DRICH1: variants seen among roughly 807,000 people sequenced by gnomAD.
The protein encoded by DRICH1 is aspartate-rich protein 1.
DRICH1 carries 38 observed loss-of-function variants against 39.5 expected under a neutral mutation model. The observed-to-expected ratio is 0.96, with a 90% confidence interval of 0.74 to 1.26. The LOEUF (loss-of-function observed/expected upper bound fraction) is 1.26, where lower values mean the gene tolerates loss of function less well. DRICH1 is among the 50% of genes most tolerant of loss of function. The probability of loss-of-function intolerance (pLI) is 0.00; values close to 1 mark genes in which losing one functional copy is unlikely to be tolerated. For synonymous variants in DRICH1, 84 were observed against 99.5 expected (o/e 0.84, Z 0.93); for missense variants, 279 against 270.4 (o/e 1.03, Z -0.22).
At chr22:23,623,135 TGGCTCA>T (rs1927865046) in intron 3 of DRICH1, among the ~76,000 whole-genome samples, 1 of 152,204 alleles carries the variant, frequency 6.6e-6, no homozygotes, top group Non-Finnish European at 1.5e-5. Context: ...CTGGGCATGG[TGGCTCA>T]TGCCTATAAT....
chr22:23,590,923 A>T, the DRICH1 span, among the ~76,000 whole-genome samples: 1 of 152,274 alleles, frequency 6.6e-6, no homozygotes. Context: ...TGGGCCCAGC[A>T]GGGTACATGT....
chr22:23,593,769 T>G, the DRICH1 span, among the ~76,000 whole-genome samples: 1 of 151,792 alleles, frequency 6.6e-6, no homozygotes, highest in African/African-American at 2.4e-5. Context: ...GCACTCCAGC[T>G]TGGTGACAGA....
intron 8 of DRICH1, among the ~76,000 whole-genome samples, chr22:23,615,427 T>C (rs538356331): frequency 6.6e-6 from 1 of 152,300 alleles, no homozygotes; most frequent in South Asian, 2.1e-4. Flanking sequence ...ACATATAAAA[T>C]ATTGGTATAA....
chr22:23,620,792 C>G (rs142590859), intron 4 of DRICH1, among the ~76,000 whole-genome samples, 177 bp from the exon 5 acceptor site: 2 of 152,038 alleles, frequency 1.3e-5, no homozygotes, highest in Non-Finnish European at 2.9e-5. Flanking sequence ...CAAGAGTTTT[C>G]CCACAGAATT....
chr22:23,608,909 C>A, intron 11 of DRICH1, 141 bp from the exon 12 acceptor site: 2 of 908,144 alleles, frequency 2.2e-6, no homozygotes, highest in Non-Finnish European at 3.5e-6. Flanking sequence ...ATTACAGATG[C>A]GGAAACTCAT....
At chr22:23,588,459 C>T in the DRICH1 span, among the ~76,000 whole-genome samples, 6 of 152,156 alleles carry the variant, frequency 3.9e-5, no homozygotes, top group Non-Finnish European at 7.3e-5. Flanking sequence ...GTTGGGAAGG[C>T]GCTCAGTGGG....
chr22:23,603,009 T>TG, the DRICH1 span, among the ~76,000 whole-genome samples: 1 of 147,950 alleles, frequency 6.8e-6, no homozygotes, highest in Non-Finnish European at 1.5e-5. Context: ...ACATTTACTT[T>TG]TTTTTTTTTT....
In DRICH1 at chr22:23,625,026, G is replaced by T; in HGVS notation, c.277-122C>A. ...CTTTTGAAACAGTGGTTGAGTCCAT[G>T]TCAAAGACAAAACACTTTAGCATAG... On this transcript the variant is annotated intron_variant, in intron 2 of 11. Coordinates refer to ENST00000317749, the MANE Select transcript of DRICH1 (RefSeq NM_016449.4). 2 of 1,131,506 alleles carry T rather than the reference G, an allele frequency of 1.8e-6. 1 individual carries two copies. The highest frequency in any genetic ancestry group is 2.8e-5 in the South Asian group (2 of 70,512). 70.1% of individuals were successfully genotyped at this position (1,131,506 alleles called of 1,614,324 possible).
intron 10 of DRICH1, 105 bp downstream of exon 10, chr22:23,613,534 G>A (rs534832360): frequency 7.9e-5 from 79 of 1,004,688 alleles, no homozygotes; most frequent in South Asian, 1.4e-4. Flanking sequence ...TCACTTTCAC[G>A]AGAACCCCAA....
chr22:23,602,711 G>C, the DRICH1 span, among the ~76,000 whole-genome samples: 20,147 of 149,154 alleles, frequency 0.14, 1,640 homozygotes, highest in East Asian at 0.25. Flanking sequence ...GAGAAATTTG[G>C]GGGGGGGTGG....
chr22:23,590,232 T>C, the DRICH1 span, among the ~76,000 whole-genome samples: 1 of 152,112 alleles, frequency 6.6e-6, no homozygotes, highest in South Asian at 2.1e-4. Context: ...ATTTCTAGCA[T>C]CGTTGCATTG....
At chr22:23,592,390 A>G in the DRICH1 span, among the ~76,000 whole-genome samples, 1 of 96,992 alleles carries the variant, frequency 1.0e-5, no homozygotes, top group Non-Finnish European at 2.5e-5. Flanking sequence ...AAGGAGCAAG[A>G]CTGGGGGGGG....
intron 5 of DRICH1, 34 bp from the exon 6 acceptor site, chr22:23,619,427 TA>T: frequency 1.3e-6 from 1 of 778,966 alleles, no homozygotes. Flanking sequence ...TCTAAGACTT[TA>T]AGGAATCTCT....
At chr22:23,582,131 C>G in the DRICH1 span, among the ~76,000 whole-genome samples, 3 of 151,170 alleles carry the variant, frequency 2.0e-5, no homozygotes, top group African/African-American at 4.9e-5. Context: ...AGGCGCCCAC[C>G]ACCATGCCAG....
intron 6 of DRICH1, 52 bp downstream of exon 6, chr22:23,619,312 A>G (rs1313142923): frequency 3.6e-5 from 28 of 778,428 alleles, no homozygotes; most frequent in Admixed American, 1.2e-4. Context: ...CATGGATAGG[A>G]AGACTCAGCA....
At position 23,608,760 on chromosome 22, in the gene DRICH1, G is replaced by T. The variant is rs1202155690; in HGVS notation, c.*4C>A. ...AGCACCCTGGTCAGCTCCACAGAAG[G>T]GCTTCACCCTGGATGAAGAGATAAT... On this transcript the variant is annotated 3_prime_UTR_variant, in exon 12 of 12. Transcript: ENST00000317749. 1 of 1,560,278 alleles carries T rather than the reference G, an allele frequency of 6.4e-7. No individual in the cohort carries two copies. The highest frequency in any genetic ancestry group is 8.7e-7 in the Non-Finnish European group (1 of 1,150,742).
chr22:23,625,991 T>C lies in DRICH1; in HGVS notation c.266A>G (p.Asp89Gly). The C allele has an allele frequency of 6.2e-7, 1 of 1,611,582 alleles. No individual in the cohort carries two copies. Among genetic ancestry groups the C allele is most frequent in the Non-Finnish European group, 8.5e-7 (1 of 1,179,246 alleles). Reference sequence around the variant, plus strand: ...GAAAGGGGGTCTTACCTTGGCATCATCATTGTCTTCCTCACTTGATGGCAG... The same window carrying C: ...GAAAGGGGGTCTTACCTTGGCATCACCATTGTCTTCCTCACTTGATGGCAG... Reference protein sequence around the residue: ...KFLPSSEEDNDDAKILPSPVQ... With the variant: ...KFLPSSEEDNGDAKILPSPVQ... Residue 89 changes from aspartate (D) to glycine (G), a missense_variant, in exon 2 of 12, where the codon GAT becomes GGT. Physicochemically the swap from Asp to Gly is moderately conservative, Grantham distance 94. Transcript: ENST00000317749.
chr22:23,609,514 C>T (rs962279306), intron 11 of DRICH1, among the ~76,000 whole-genome samples: 7 of 152,160 alleles, frequency 4.6e-5, no homozygotes, highest in Non-Finnish European at 4.4e-5. Flanking sequence ...CCAGGAGAAG[C>T]TGCTCCCTCA....
At chr22:23,607,393 C>T (rs1926787478), downstream of DRICH1, among the ~76,000 whole-genome samples, 1 of 152,180 alleles carries the variant, frequency 6.6e-6, no homozygotes, top group South Asian at 2.1e-4. Context: ...ACATCCTGGC[C>T]TCAAAACTGG....
Sources: gnomAD v4.1 joint callset for allele counts (sites outside exome capture counted in the v4.1 genomes callset) on GRCh38, gnomAD v4.1.1 for gene constraint, MANE v1.5 for transcripts, NCBI Gene and HGNC (gene_info 2026-07-23, HGNC 2026-07-21) for gene names.